PLB1: variants seen among roughly 807,000 people sequenced by gnomAD.
PLB1 encodes the protein phospholipase B1, also known as phospholipase B1, membrane-associated.
Under a neutral mutation model 227.4 loss-of-function variants are expected in PLB1, and 242 were observed. The ratio of observed to expected loss-of-function variants is 1.06; its 90% confidence interval spans 0.96 to 1.18. PLB1 has a LOEUF of 1.18. PLB1 is among the 50% of genes most tolerant of loss of function. PLB1 has a pLI of 0.00. For missense variants in PLB1, 1,858 were observed against 1,816.3 expected (o/e 1.02, Z -0.42); for synonymous variants, 757 against 682.2 (o/e 1.11, Z -1.71).
At chr2:28,595,426 G>A (rs1421369644) in intron 33 of PLB1, 1 of 152,140 alleles carries the variant, frequency 6.6e-6, no homozygotes, top group South Asian at 2.1e-4. Flanking sequence ...GTGTTCCATG[G>A]AACATTAACT....
intron 36 of PLB1, 95 bp from the exon 37 acceptor site, chr2:28,601,157 C>T: frequency 9.5e-7 from 1 of 1,051,618 alleles, no homozygotes; most frequent in Admixed American, 2.0e-5. Flanking sequence ...TTCAAGTGGG[C>T]AAGGATGTTA....
chr2:28,496,507 C>G (rs1314533737), intron 1 of PLB1, among the ~76,000 whole-genome samples: 1 of 152,126 alleles, frequency 6.6e-6, no homozygotes, highest in Non-Finnish European at 1.5e-5. Context: ...CTCCCTGGAC[C>G]TTGATTTTTT....
At chr2:28,529,252 G>T in intron 6 of PLB1, 65 bp from the exon 7 acceptor site, 5 of 1,108,902 alleles carry the variant, frequency 4.5e-6, no homozygotes, top group Non-Finnish European at 6.9e-6. Flanking sequence ...GCAGTAGGTA[G>T]GTCAGTCTTT....
At chr2:28,548,988 G>A (rs1673757661) in intron 15 of PLB1, 57 bp downstream of exon 15, 3 of 1,506,504 alleles carry the variant, frequency 2.0e-6, no homozygotes, top group Admixed American at 3.4e-5. Context: ...CAGGTGGGGT[G>A]GCCAAGTGGG....
At chr2:28,532,027 G>C (rs1310688110) in intron 8 of PLB1, 81 bp from the exon 9 acceptor site, 3 of 1,107,814 alleles carry the variant, frequency 2.7e-6, no homozygotes, top group Non-Finnish European at 4.0e-6. Context: ...GTATGAAATG[G>C]AAAGACATGA....
At chr2:28,516,736 G>A (rs953488863) in intron 1 of PLB1, 72 bp from the exon 2 acceptor site, 3 of 1,357,334 alleles carry the variant, frequency 2.2e-6, no homozygotes, top group African/African-American at 2.9e-5. Flanking sequence ...AGGAGGAAGG[G>A]CATGAAAGCT....
chr2:28,577,258 G>T (rs539841680), intron 21 of PLB1, among the ~76,000 whole-genome samples: 1 of 152,316 alleles, frequency 6.6e-6, no homozygotes, highest in East Asian at 1.9e-4. Flanking sequence ...ACTGGTCCCA[G>T]TGACCCTCCA....
Position 28,543,364 on chromosome 2 carries a change from C to T in PLB1, c.936+96C>T, listed in dbSNP as rs1672775386. 3.1e-6 allele frequency: 4 copies of T among 1,288,312 alleles called. No homozygotes were observed. The South Asian group carries it at 4.1e-5, about 13-fold the overall frequency. 79.8% of individuals were successfully genotyped at this position (1,288,312 alleles called of 1,614,324 possible). The stretch of plus-strand genomic sequence containing the variant: ...TGCTGAGGAGGGGCTGCAGGGCGCC[C>T]CAGGATCCCAGGACAATGGTTCTGG... On this transcript the variant is annotated intron_variant, in intron 14 of 57. Transcript: ENST00000327757.
At chr2:28,621,755 G>A (rs1209325266) in intron 49 of PLB1, among the ~76,000 whole-genome samples, 1 of 152,152 alleles carries the variant, frequency 6.6e-6, no homozygotes, top group Non-Finnish European at 1.5e-5. Context: ...TAAGCCACAG[G>A]AAGCGATGTC....
intron 52 of PLB1, among the ~76,000 whole-genome samples, chr2:28,628,845 C>G (rs1446030924): frequency 6.6e-6 from 1 of 152,156 alleles, no homozygotes; most frequent in Non-Finnish European, 1.5e-5. Flanking sequence ...GCCTCTGAAC[C>G]AATTGGCCCA....
In PLB1 at chr2:28,604,844, A is replaced by G. The variant is rs577432999; in HGVS notation, c.2961+85A>G. 3.1e-5 allele frequency: 38 copies of G among 1,244,800 alleles called. No homozygotes were observed. The East Asian group carries it at 5.8e-4, about 19-fold the overall frequency. 77.1% of individuals were successfully genotyped at this position (1,244,800 alleles called of 1,614,324 possible). On this transcript the variant is annotated intron_variant, in intron 41 of 57. Coordinates refer to ENST00000327757, the MANE Select transcript of PLB1 (RefSeq NM_153021.5). ...GCCAGTTGCTTCCACGAGCATGTGCATAAAATGGGAAAGACACAGCTCTCC... is the reference window on the plus strand; with the variant it reads ...GCCAGTTGCTTCCACGAGCATGTGCGTAAAATGGGAAAGACACAGCTCTCC...
chr2:28,574,336 AC>A (rs141787580), intron 21 of PLB1, among the ~76,000 whole-genome samples: 1 of 70,364 alleles, frequency 1.4e-5, no homozygotes, highest in Non-Finnish European at 3.8e-5. Flanking sequence ...TTAATCCCTC[AC>A]CCCCCCCACC....
rs112676425 is a variant in PLB1, at chr2:28,503,910, C to T, written c.55+7741C>T. Among the ~76,000 whole-genome samples, 831 of 152,346 alleles carry T rather than the reference C, an allele frequency of 5.5e-3. 8 individuals carry two copies. Among genetic ancestry groups the T allele is most frequent in the African/African-American group, 0.019 (791 of 41,578 alleles). On this transcript the variant is annotated intron_variant, in intron 1 of 57. Transcript: ENST00000327757. ...GATGGGAAGAATGGCAAAAGTCACACTGCAAAAGGGCATACAGGATGAGAC... is the reference window on the plus strand; with the variant it reads ...GATGGGAAGAATGGCAAAAGTCACATTGCAAAAGGGCATACAGGATGAGAC...
chr2:28,560,374 G>A (rs1430815695), intron 17 of PLB1, among the ~76,000 whole-genome samples: 1 of 152,138 alleles, frequency 6.6e-6, no homozygotes, highest in African/African-American at 2.4e-5. Context: ...AATTCTAGGG[G>A]TGGTCCCCCA....
intron 35 of PLB1, among the ~76,000 whole-genome samples, chr2:28,599,669 TGCAGTGGC>T (rs1213604372): frequency 1.3e-5 from 2 of 152,232 alleles, no homozygotes; most frequent in Non-Finnish European, 2.9e-5. Context: ...CAGGCTGGAA[TGCAGTGGC>T]ACAATCTCTG....
At chr2:28,636,061 A>G (rs62129776) in intron 56 of PLB1, among the ~76,000 whole-genome samples, 38,829 of 139,936 alleles carry the variant, frequency 0.28, 5,201 homozygotes, top group East Asian at 0.35. Context: ...GTATGTGTGT[A>G]TGTATGTATG....
rs959398722 is a variant in PLB1 at position 28,529,654 on chromosome 2, G to A, written c.417-74G>A. 6.9e-6 allele frequency: 10 copies of A among 1,457,754 alleles called. No individual in the cohort carries two copies. In the African/African-American group the frequency reaches 1.3e-4, roughly 18 times the overall value. 90.3% of individuals were successfully genotyped at this position (1,457,754 alleles called of 1,614,324 possible). A position where few individuals can be genotyped will look rare whatever the true frequency, so the allele number is the denominator to read the frequency against. ...CTTAGAGACTGACACCTGAGCTATG[G>A]CAAGGGGCAAGCTTCCAGCCCTTAA... On this transcript the variant is annotated intron_variant, in intron 7 of 57. Transcript: ENST00000327757.
chr2:28,629,050 G>A, intron 52 of PLB1, 44 bp from the exon 53 acceptor site: 1 of 1,550,582 alleles, frequency 6.4e-7, no homozygotes, highest in Non-Finnish European at 8.8e-7. Flanking sequence ...GTTCCTCCCA[G>A]CAGTAGCCAG....
At chr2:28,639,215 G>A (rs572971950) in intron 56 of PLB1, among the ~76,000 whole-genome samples, 28 of 152,264 alleles carry the variant, frequency 1.8e-4, no homozygotes, top group African/African-American at 5.5e-4. Flanking sequence ...GAGTGTGGAG[G>A]TAGATGGGAA....
Sources: gnomAD v4.1 joint callset for allele counts (sites outside exome capture counted in the v4.1 genomes callset) on GRCh38, gnomAD v4.1.1 for gene constraint, MANE v1.5 for transcripts, NCBI Gene and HGNC (gene_info 2026-07-23, HGNC 2026-07-21) for gene names.